The following SLC9C1 variants were observed in gnomAD, a reference collection of about 807,000 sequenced individuals.
The protein encoded by SLC9C1 is sodium/hydrogen exchanger 10.
Under a neutral mutation model 140.9 loss-of-function variants are expected in SLC9C1, and 97 were observed. That is an observed-to-expected ratio of 0.69 (90% confidence interval 0.58 to 0.82). The LOEUF (loss-of-function observed/expected upper bound fraction) is 0.82, where lower values mean the gene tolerates loss of function less well. Ranked by LOEUF, SLC9C1 falls within the 40% of genes least tolerant of loss-of-function variation. SLC9C1 has a pLI of 0.00. For missense variants in SLC9C1, 1,340 were observed against 1,389.3 expected (o/e 0.96, Z 0.56); for synonymous variants, 440 against 442.6 (o/e 0.99, Z 0.07).
chr3:112,193,116 C>T (rs879906925), intron 20 of SLC9C1, among the ~76,000 whole-genome samples: 1 of 152,144 alleles, frequency 6.6e-6, no homozygotes, highest in Admixed American at 6.5e-5. Flanking sequence ...GTGAATTTTG[C>T]AAGTGTTTCA....
intron 20 of SLC9C1, among the ~76,000 whole-genome samples, chr3:112,186,885 T>G (rs1211339533): frequency 3.3e-5 from 5 of 152,206 alleles, no homozygotes; most frequent in Non-Finnish European, 7.4e-5. Context: ...GCTGGATCAA[T>G]TGATTATTCA....
intron 10 of SLC9C1, among the ~76,000 whole-genome samples, chr3:112,247,306 C>T (rs1164119944): frequency 2.0e-5 from 3 of 152,026 alleles, no homozygotes; most frequent in Non-Finnish European, 4.4e-5. Flanking sequence ...GTGGAAAGCC[C>T]TCTTAGATTT....
chr3:112,200,728 T>C lies in SLC9C1; in HGVS notation c.2357A>G (p.His786Arg). Residue 786 changes from histidine (H) to arginine (R), a missense_variant, in exon 19 of 29, where the codon CAT (histidine) becomes CGT (arginine). By Grantham distance (29) the His-to-Arg change is conservative. Transcript: ENST00000305815. ...CTACTTACCTAGCTCTTTTATAGCA[T>C]GTTCCATATTCCTTATCACTTGCTT... Reference protein sequence around the residue: ...LLKQVIRNMEHAIKELGYLEY... With the variant: ...LLKQVIRNMERAIKELGYLEY... 3 of 1,610,250 alleles carry C rather than the reference T, an allele frequency of 1.9e-6. No individual in the cohort carries two copies. In the South Asian group the frequency reaches 3.3e-5, roughly 18 times the overall value.
In SLC9C1 at chr3:112,141,275, C is replaced by T. The variant is rs757101728; in HGVS notation, c.3531G>A (p.Glu1177=). The T allele has an allele frequency of 6.3e-6, 10 of 1,584,126 alleles. No individual in the cohort carries two copies. Among genetic ancestry groups the T allele is most frequent in the Non-Finnish European group, 8.6e-6 (10 of 1,167,238 alleles). The change falls in exon 29 of 29, where the codon GAG becomes GAA. Residue 1177 remains glutamate, a synonymous_variant. Transcript: ENST00000305815. ...TGCTTCGGTCTTCTTAACAGTCTTA[C>T]TCTTTCCTAATAGAAGCGGAAAGAA... ...PRINLRKVRK[E] is the part of the protein sequence containing the mutation.
At chr3:112,160,399 T>A (rs1018477177) in intron 26 of SLC9C1, among the ~76,000 whole-genome samples, 3 of 151,296 alleles carry the variant, frequency 2.0e-5, no homozygotes, top group African/African-American at 7.3e-5. Context: ...TAGGTATATC[T>A]CCCAATGCTA....
chr3:112,202,143 G>C lies in SLC9C1; in HGVS notation c.2322+107C>G, dbSNP rs1046932077. 16 of 1,243,062 alleles carry C rather than the reference G, an allele frequency of 1.3e-5. No individual in the cohort carries two copies. In the Admixed American group the frequency reaches 3.9e-4, roughly 30 times the overall value. 77.0% of individuals were successfully genotyped at this position (1,243,062 alleles called of 1,614,324 possible). On this transcript the variant is annotated intron_variant, in intron 18 of 28. Coordinates refer to ENST00000305815, the MANE Select transcript of SLC9C1 (RefSeq NM_183061.3). ...TTTAAGTTTTTAAAGAAATGAATTA[G>C]AAAACCAGGAGTCAAAGACATCTGC...
intron 28 of SLC9C1, chr3:112,147,622 G>A: frequency 3.7e-6 from 1 of 272,224 alleles, no homozygotes; most frequent in Non-Finnish European, 7.4e-6. Flanking sequence ...AGTCTCTCCT[G>A]GCTTGTAAGG....
chr3:112,251,503 T>C (rs996737862), intron 10 of SLC9C1, among the ~76,000 whole-genome samples: 1 of 152,242 alleles, frequency 6.6e-6, no homozygotes, highest in South Asian at 2.1e-4. Context: ...TGGCTGCAAC[T>C]TCAGCAAAGT....
At chr3:112,278,599 C>T in intron 4 of SLC9C1, 130 bp downstream of exon 4, 1 of 936,854 alleles carries the variant, frequency 1.1e-6, no homozygotes, top group African/African-American at 1.7e-5. Flanking sequence ...AATGATGAAG[C>T]TGAATTTATT....
chr3:112,276,665 C>G (rs1324109866), intron 5 of SLC9C1, among the ~76,000 whole-genome samples: 1 of 151,720 alleles, frequency 6.6e-6, no homozygotes, highest in Non-Finnish European at 1.5e-5. Context: ...TACAAAATAA[C>G]AAAGTTAGAC....
intron 20 of SLC9C1, among the ~76,000 whole-genome samples, chr3:112,186,259 T>TGAC (rs1553784134): frequency 1.3e-5 from 2 of 151,614 alleles, no homozygotes; most frequent in Admixed American, 6.6e-5. Flanking sequence ...GGTATCCTAT[T>TGAC]GAAATCTCTG....
chr3:112,293,482 G>A (rs930415495), intron 1 of SLC9C1, among the ~76,000 whole-genome samples: 2 of 152,106 alleles, frequency 1.3e-5, no homozygotes, highest in East Asian at 3.9e-4. Flanking sequence ...CCTTCAGATT[G>A]GAACGTTTTG....
intron 28 of SLC9C1, among the ~76,000 whole-genome samples, chr3:112,146,208 T>C (rs574961140): frequency 6.6e-6 from 1 of 152,158 alleles, no homozygotes; most frequent in East Asian, 1.9e-4. Flanking sequence ...GAGCTTTCTT[T>C]TTTTTTTTAA....
Position 112,278,877 on chromosome 3 carries a change from T to A in SLC9C1, c.190-20A>T, listed in dbSNP as rs751126576. The A allele has an allele frequency of 1.3e-6, 2 of 1,594,906 alleles. No individual in the cohort carries two copies. The highest frequency in any genetic ancestry group is 2.3e-5 in the South Asian group (2 of 87,708). On this transcript the variant is annotated intron_variant, in intron 3 of 28. Coordinates refer to ENST00000305815, the MANE Select transcript of SLC9C1 (RefSeq NM_183061.3). Reference sequence around the variant, plus strand: ...TTGGACCTAATATTATACAAATATATCATCTTCTCATTTATTCATCACTAT... The same window carrying A: ...TTGGACCTAATATTATACAAATATAACATCTTCTCATTTATTCATCACTAT...
At chr3:112,281,810 CTT>C (rs1201956710) in intron 2 of SLC9C1, among the ~76,000 whole-genome samples, 1 of 152,104 alleles carries the variant, frequency 6.6e-6, no homozygotes, top group African/African-American at 2.4e-5. Flanking sequence ...TATGTTGACA[CTT>C]GGGTGGAAGA....
At chr3:112,162,079 G>A (rs933409383) in intron 26 of SLC9C1, among the ~76,000 whole-genome samples, 4 of 152,022 alleles carry the variant, frequency 2.6e-5, no homozygotes, top group African/African-American at 4.8e-5. Context: ...TTTGTCTGTT[G>A]TTGGTGTATA....
At chr3:112,173,352 G>A (rs2077280219) in intron 23 of SLC9C1, among the ~76,000 whole-genome samples, 1 of 152,088 alleles carries the variant, frequency 6.6e-6, no homozygotes, top group Non-Finnish European at 1.5e-5. Flanking sequence ...GCAGGGATCT[G>A]GTGTACAGAT....
chr3:112,163,677 G>C (rs1424997591), intron 26 of SLC9C1, among the ~76,000 whole-genome samples: 2 of 152,066 alleles, frequency 1.3e-5, no homozygotes, highest in Non-Finnish European at 2.9e-5. Context: ...TTGCTGAGGA[G>C]AGCTTTACTT....
chr3:112,214,794 C>G (rs939905964), intron 15 of SLC9C1, among the ~76,000 whole-genome samples: 4 of 152,132 alleles, frequency 2.6e-5, no homozygotes, highest in South Asian at 2.1e-4. Flanking sequence ...GGAGGAGCTG[C>G]TACCATTCCT....
Sources: gnomAD v4.1 joint callset for allele counts (sites outside exome capture counted in the v4.1 genomes callset) on GRCh38, gnomAD v4.1.1 for gene constraint, MANE v1.5 for transcripts, NCBI Gene and HGNC (gene_info 2026-07-23, HGNC 2026-07-21) for gene names.